SMTN: variants seen among roughly 807,000 people sequenced by gnomAD.
SMTN encodes the protein smoothelin.
A neutral mutation model predicts 102.0 loss-of-function variants in SMTN; 58 were observed. The ratio of observed to expected loss-of-function variants is 0.57; its 90% CI spans 0.46 to 0.71. The LOEUF is 0.71. Ranked by LOEUF, SMTN falls within the 30% of genes least tolerant of loss-of-function variation. The pLI is 0.00. For synonymous variants in SMTN, 478 were observed against 497.9 expected (o/e 0.96, Z 0.53); for missense variants, 1,185 against 1,241.7 (o/e 0.95, Z 0.69).
At chr22:31,068,924 CA>C (rs2041929678) in intron 1 of SMTN, among the ~76,000 whole-genome samples, 1 of 152,048 alleles carries the variant, frequency 6.6e-6, no homozygotes, top group South Asian at 2.1e-4. Context: ...TGGAGCCAGC[CA>C]GAGTGAAGAT....
intron 1 of SMTN, chr22:31,082,918 A>G: frequency 6.5e-7 from 1 of 1,545,548 alleles, no homozygotes; most frequent in Non-Finnish European, 8.8e-7. Flanking sequence ...AGGTTTAGAC[A>G]GGATGAGAGT....
chr22:31,101,061 C>T lies in SMTN; in HGVS notation c.*20+12C>T, dbSNP rs762836215. 5.1e-6 allele frequency: 8 copies of T among 1,583,576 alleles called. No individual in the cohort carries two copies. Among genetic ancestry groups the T allele is most frequent in the Middle Eastern group, 1.7e-4 (1 of 5,934 alleles). Reference sequence around the variant, plus strand: ...CTCGGGGCCCCACGGTGAGAAACGCCGCCTCTACCACCTGCCCCGTTTCAC... The same window carrying T: ...CTCGGGGCCCCACGGTGAGAAACGCTGCCTCTACCACCTGCCCCGTTTCAC... On this transcript the variant is annotated intron_variant, in intron 20 of 20. Coordinates refer to ENST00000333137, the MANE Select transcript of SMTN (RefSeq NM_134269.3).
intron 2 of SMTN, among the ~76,000 whole-genome samples, chr22:31,085,881 G>A (rs2042662820): frequency 6.6e-6 from 1 of 152,236 alleles, no homozygotes; most frequent in African/African-American, 2.4e-5. Flanking sequence ...GAAGCTCCGG[G>A]GGTTGTGCTG....
rs532685222 is a variant in SMTN at position 31,075,638 on chromosome 22, G to A, written c.-385-4812G>A. Among the ~76,000 whole-genome samples the A allele has an allele frequency of 6.0e-5, 9 of 150,290 alleles. No homozygotes were observed. In the East Asian group the frequency reaches 1.4e-3, roughly 23 times the overall value. ...AGGGGTTGCAGTGAGCCAAGATTGC[G>A]CCACTGCACTCTAGTCTGGGTGACA... is the stretch of plus-strand genomic sequence containing the variant. On this transcript the variant is annotated intron_variant, in intron 1 of 3. Transcript: ENST00000422839.
intron 1 of SMTN, chr22:31,065,002 C>T (rs1017700134): frequency 7.5e-6 from 1 of 134,166 alleles, no homozygotes; most frequent in Non-Finnish European, 1.7e-5. Flanking sequence ...CTCAGCCTCT[C>T]GCTTTTTTTC....
At chr22:31,082,120 G>A (rs2042348012) in intron 1 of SMTN, 1 of 188,052 alleles carries the variant, frequency 5.3e-6, no homozygotes, top group Admixed American at 5.4e-5. Flanking sequence ...TCTGAAGAGA[G>A]GGAAGGGATG....
chr22:31,091,876 A>G, intron 11 of SMTN, 29 bp downstream of exon 11: 1 of 1,525,500 alleles, frequency 6.6e-7, no homozygotes, highest in Non-Finnish European at 8.9e-7. Flanking sequence ...CACCAGCCTC[A>G]CCATCCGTCA....
chr22:31,093,714 C>T (rs569186321), intron 11 of SMTN: 57 of 1,194,778 alleles, frequency 4.8e-5, no homozygotes, highest in Admixed American at 3.1e-4. Flanking sequence ...CACTTGTGTC[C>T]GGCCTTGAGC....
intron 11 of SMTN, chr22:31,093,985 A>G: frequency 1.3e-6 from 1 of 768,862 alleles, no homozygotes; most frequent in Non-Finnish European, 2.1e-6. Context: ...CTATCTTGAC[A>G]GGGGACTGGG....
At chr22:31,078,549 A>T (rs1420120212), upstream of SMTN, among the ~76,000 whole-genome samples, 1 of 152,218 alleles carries the variant, frequency 6.6e-6, no homozygotes, top group Non-Finnish European at 1.5e-5. Flanking sequence ...CACAAGATAC[A>T]TTCATCCTGC....
intron 1 of SMTN, among the ~76,000 whole-genome samples, chr22:31,075,435 T>A (rs1438368976): frequency 1.3e-5 from 2 of 152,020 alleles, no homozygotes; most frequent in African/African-American, 4.8e-5. Context: ...AATCCCAGCA[T>A]TTTGGGAGTC....
At chr22:31,072,510 T>C (rs2042027435) in intron 1 of SMTN, among the ~76,000 whole-genome samples, 1 of 152,182 alleles carries the variant, frequency 6.6e-6, no homozygotes, top group Admixed American at 6.5e-5. Context: ...TCACCCAGGC[T>C]GGAGGGCAAT....
At chr22:31,096,462 C>T (rs1380132887) in intron 13 of SMTN, 7 of 391,082 alleles carry the variant, frequency 1.8e-5, no homozygotes, top group Non-Finnish European at 2.7e-5. Context: ...CTATAGAAAC[C>T]CTTTTTGGAT....
chr22:31,091,926 T>A, intron 11 of SMTN, 79 bp downstream of exon 11: 13 of 1,289,946 alleles, frequency 1.0e-5, no homozygotes, highest in South Asian at 1.6e-5. Flanking sequence ...GCTAGCAGGG[T>A]TCCTCTGCTC....
At chr22:31,100,811 C>T in intron 19 of SMTN, 74 bp from the exon 20 acceptor site, 1 of 734,924 alleles carries the variant, frequency 1.4e-6, no homozygotes, top group East Asian at 2.7e-5. Context: ...CTGCCTCTTC[C>T]CTCTCTTCCC....
chr22:31,091,115 C>A lies in SMTN; in HGVS notation c.1092C>A (p.Leu364=), dbSNP rs371788561. Residue 364 remains leucine, a synonymous_variant, in exon 10 of 21, where the codon CTC becomes CTA. Transcript: ENST00000333137. ...AALSPLTPAR[L]LGPSLTSTTP... The stretch of plus-strand genomic sequence containing the variant: ...TAAGTCCCCTGACCCCCGCAAGGCT[C>A]CTGGGCCCCTCCCTCACCAGCACCA... The A allele has an allele frequency of 2.2e-5, 35 of 1,613,888 alleles. No individual in the cohort carries two copies. The African/African-American group carries it at 4.7e-4, about 22-fold the overall frequency.
chr22:31,084,737 G>C (rs908938835), intron 2 of SMTN, among the ~76,000 whole-genome samples: 1 of 152,270 alleles, frequency 6.6e-6, no homozygotes, highest in African/African-American at 2.4e-5. Context: ...GTTTTGGAGA[G>C]AAGCTGGAGC....
intron 1 of SMTN, chr22:31,064,383 T>TA (rs1374707188): frequency 6.6e-6 from 1 of 152,176 alleles, no homozygotes; most frequent in Non-Finnish European, 1.5e-5. Flanking sequence ...ATCTGGAACG[T>TA]ACAGAGATTC....
chr22:31,097,760 G>A lies in SMTN; in HGVS notation c.2159+422G>A, dbSNP rs200534007. ...AATAAATAAATAAATAAAACAGAGG[G>A]GTAGACTGGGATGCTGGGAGGTAAT... On this transcript the variant is annotated intron_variant, in intron 16 of 20. Transcript: ENST00000333137. 1.1e-4 allele frequency among the ~76,000 whole-genome samples: 16 copies of A among 149,892 alleles called. No homozygotes were observed. The East Asian group carries it at 2.4e-3, about 22-fold the overall frequency.
Sources: gnomAD v4.1 joint callset for allele counts (sites outside exome capture counted in the v4.1 genomes callset) on GRCh38, gnomAD v4.1.1 for gene constraint, MANE v1.5 for transcripts, NCBI Gene and HGNC (gene_info 2026-07-23, HGNC 2026-07-21) for gene names.